The following SGIP1 variants were observed in gnomAD, a reference collection of about 807,000 sequenced individuals.
The protein encoded by SGIP1 is SH3-containing GRB2-like protein 3-interacting protein 1.
In SGIP1, 38 loss-of-function variants were observed where a neutral mutation model predicts 107.5. The ratio of observed to expected loss-of-function variants is 0.35; its 90% CI spans 0.27 to 0.46. The LOEUF is 0.46. Ranked by LOEUF, SGIP1 falls within the 20% of genes least tolerant of loss-of-function variation. The pLI is 1.00. For synonymous variants in SGIP1, 365 were observed against 366.1 expected (o/e 1.00, Z 0.03); for missense variants, 929 against 1,019.5 (o/e 0.91, Z 1.21).
At chr1:66,705,492 G>A (rs529417120) in intron 18 of SGIP1, among the ~76,000 whole-genome samples, 15 of 152,280 alleles carry the variant, frequency 9.9e-5, no homozygotes, top group Non-Finnish European at 1.3e-4. Context: ...TCTAGGGAGA[G>A]GAAGCATGAG....
At chr1:66,581,168 A>G (rs577547968) in intron 1 of SGIP1, among the ~76,000 whole-genome samples, 2 of 152,232 alleles carry the variant, frequency 1.3e-5, no homozygotes, top group South Asian at 4.1e-4. Flanking sequence ...ACTGTTTTAG[A>G]CCAATAAACC....
intron 8 of SGIP1, among the ~76,000 whole-genome samples, chr1:66,661,444 C>T (rs1375291350): frequency 6.6e-6 from 1 of 152,132 alleles, no homozygotes; most frequent in Non-Finnish European, 1.5e-5. Flanking sequence ...TACAGAAAAG[C>T]TATAGGATAG....
intron 1 of SGIP1, among the ~76,000 whole-genome samples, chr1:66,601,578 T>C (rs111603298): frequency 2.2e-4 from 34 of 152,110 alleles, no homozygotes; most frequent in Middle Eastern, 3.4e-3. Flanking sequence ...ATCCTAACAA[T>C]CTATAATGAG....
chr1:66,602,248 T>C (rs1428270141), intron 1 of SGIP1, among the ~76,000 whole-genome samples: 3 of 152,186 alleles, frequency 2.0e-5, no homozygotes, highest in African/African-American at 4.8e-5. Context: ...GTCATAGGAT[T>C]TGAGAGACCT....
rs2094588199 is a variant in SGIP1, at chr1:66,748,894, A to T, written c.*5799A>T. 1.3e-5 allele frequency among the ~76,000 whole-genome samples: 2 copies of T among 151,720 alleles called. No individual in the cohort carries two copies. Among genetic ancestry groups the T allele is most frequent in the South Asian group, 2.1e-4 (1 of 4,834 alleles). ...TTAAGAAAGTTATTGAATCAGGTAA[A>T]AAAAATTTTTTCTAAGCACACCTTG... On this transcript the variant is annotated 3_prime_UTR_variant, in exon 25 of 25. Transcript: ENST00000371037.
chr1:66,606,827 G>T (rs2149095557), intron 1 of SGIP1, among the ~76,000 whole-genome samples: 1 of 152,272 alleles, frequency 6.6e-6, no homozygotes, highest in South Asian at 2.1e-4. Flanking sequence ...GATACATTTA[G>T]GCAGCCTGTA....
intron 17 of SGIP1, chr1:66,695,201 A>T: frequency 1.3e-6 from 1 of 786,340 alleles, no homozygotes; most frequent in Non-Finnish European, 1.9e-6. Context: ...CCACCAACAC[A>T]TTCCCATTCC....
At chr1:66,651,807 T>C (rs1423247233) in intron 7 of SGIP1, among the ~76,000 whole-genome samples, 1 of 152,212 alleles carries the variant, frequency 6.6e-6, no homozygotes, top group African/African-American at 2.4e-5. Flanking sequence ...AATTATCTTA[T>C]TATATATGCA....
At chr1:66,608,806 T>G (rs2067344280) in intron 1 of SGIP1, among the ~76,000 whole-genome samples, 1 of 152,248 alleles carries the variant, frequency 6.6e-6, no homozygotes, top group African/African-American at 2.4e-5. Flanking sequence ...CAGTGTTGTA[T>G]GGACTCGCCA....
chr1:66,666,126 T>G (rs1390806041), intron 8 of SGIP1: 1 of 152,250 alleles, frequency 6.6e-6, no homozygotes, highest in Non-Finnish European at 1.5e-5. Flanking sequence ...AAGTCTTTAA[T>G]CCATCTTGAA....
At chr1:66,720,816 G>A (rs373385737) in intron 19 of SGIP1, among the ~76,000 whole-genome samples, 27 of 152,156 alleles carry the variant, frequency 1.8e-4, no homozygotes, top group African/African-American at 6.3e-4. Flanking sequence ...TTTTGAAACA[G>A]TGATAATTAA....
chr1:66,605,631 C>A (rs1333057490), intron 1 of SGIP1, among the ~76,000 whole-genome samples: 1 of 151,530 alleles, frequency 6.6e-6, no homozygotes, highest in African/African-American at 2.4e-5. Flanking sequence ...AAACACAGCC[C>A]AAACAATGAC....
intron 18 of SGIP1, among the ~76,000 whole-genome samples, chr1:66,705,821 G>A (rs2092451020): frequency 6.6e-6 from 1 of 152,090 alleles, no homozygotes; most frequent in African/African-American, 2.4e-5. Context: ...GTTGAACAAT[G>A]AGAACACATG....
chr1:66,674,668 G>A (rs1159398775), intron 12 of SGIP1, among the ~76,000 whole-genome samples: 1 of 152,166 alleles, frequency 6.6e-6, no homozygotes, highest in Non-Finnish European at 1.5e-5. Flanking sequence ...TAGTTCTGTT[G>A]TCTTTAAAAT....
chr1:66,691,709 A>T (rs2089890421), intron 17 of SGIP1, among the ~76,000 whole-genome samples: 1 of 152,024 alleles, frequency 6.6e-6, no homozygotes, highest in African/African-American at 2.4e-5. Context: ...CTTTTTCTAG[A>T]TTAGTTGTTT....
At chr1:66,741,220 T>C (rs1404927826) in intron 23 of SGIP1, 52 bp from the exon 24 acceptor site, 6 of 1,489,964 alleles carry the variant, frequency 4.0e-6, no homozygotes, top group Non-Finnish European at 5.4e-6. Context: ...TCCAAAATTA[T>C]ATCCGAAATA....
intron 18 of SGIP1, among the ~76,000 whole-genome samples, chr1:66,709,920 A>G (rs997950593): frequency 6.6e-6 from 1 of 152,086 alleles, no homozygotes; most frequent in East Asian, 1.9e-4. Flanking sequence ...AAAACACTCA[A>G]GAAAACATTA....
intron 7 of SGIP1, among the ~76,000 whole-genome samples, chr1:66,651,375 C>T (rs1465670127): frequency 6.6e-6 from 1 of 152,136 alleles, no homozygotes; most frequent in Non-Finnish European, 1.5e-5. Flanking sequence ...TCACTCGAAG[C>T]ATCACAGCTA....
Position 66,564,380 on chromosome 1 carries a change from G to T in SGIP1, c.10+30012G>T, listed in dbSNP as rs783576. 5.3e-3 allele frequency among the ~76,000 whole-genome samples: 810 copies of T among 152,022 alleles called. 4 individuals carry two copies. Among genetic ancestry groups the T allele is most frequent in the African/African-American group, 0.017 (709 of 41,516 alleles). ...ATCTGGAACTAAGATCTCCTTGGAA[G>T]CAGAGAGTGACCGGATGAAGTTAGG... On this transcript the variant is annotated intron_variant, in intron 1 of 24. Transcript: ENST00000371037.
Sources: allele counts gnomAD v4.1 joint callset (sites outside exome capture counted in the v4.1 genomes callset), GRCh38; gene constraint gnomAD v4.1.1; transcripts MANE v1.5; gene names NCBI Gene and HGNC (gene_info 2026-07-23, HGNC 2026-07-21).